NAV2: variants seen among roughly 807,000 people sequenced by gnomAD.
NAV2 encodes helicase, APC down-regulated 1.
Under a neutral mutation model 223.2 loss-of-function variants are expected in NAV2, and 54 were observed. That is an observed-to-expected ratio of 0.24 (90% CI 0.19 to 0.30). The LOEUF is 0.30. Ranked by LOEUF, NAV2 falls within the 10% of genes least tolerant of loss-of-function variation. The pLI is 1.00. For synonymous variants in NAV2, 1,279 were observed against 1,239.3 expected (o/e 1.03, Z -0.67); for missense variants, 2,806 against 3,147.5 (o/e 0.89, Z 2.60).
intron 1 of NAV2, chr11:19,575,229 G>T (rs1441072783): frequency 6.5e-6 from 1 of 154,030 alleles, no homozygotes; most frequent in Admixed American, 6.5e-5. Context: ...AATTAGAGGG[G>T]TTCTTAGCAG....
chr11:19,771,485 T>C (rs1326866741), intron 1 of NAV2, among the ~76,000 whole-genome samples: 2 of 151,614 alleles, frequency 1.3e-5, no homozygotes, highest in Admixed American at 6.6e-5. Context: ...GGCATGGAGG[T>C]GTGACCATAC....
At chr11:19,823,341 G>A (rs1215778672) in intron 1 of NAV2, among the ~76,000 whole-genome samples, 1 of 152,166 alleles carries the variant, frequency 6.6e-6, no homozygotes, top group Non-Finnish European at 1.5e-5. Context: ...CCAAGTAGCT[G>A]GGATTATGGG....
intron 6 of NAV2, among the ~76,000 whole-genome samples, chr11:19,910,957 A>G (rs933160360): frequency 4.6e-5 from 7 of 152,124 alleles, no homozygotes; most frequent in Non-Finnish European, 1.0e-4. Flanking sequence ...TTCTCCCCCA[A>G]AATGCCCTTA....
intron 3 of NAV2, among the ~76,000 whole-genome samples, chr11:19,859,596 C>G (rs867282284): frequency 7.2e-4 from 110 of 152,180 alleles, no homozygotes; most frequent in African/African-American, 2.5e-3. Context: ...CACCTTTCCC[C>G]CCTTTCTATT....
Position 19,656,931 on chromosome 11 carries a change from G to A in NAV2, c.76-175553G>A, listed in dbSNP as rs543123093. Reference sequence around the variant, plus strand: ...GATATCACCTAGGCTTTCCACCTGAGCACCTGGGAGAATGCAGGAGCCATT... The same window carrying A: ...GATATCACCTAGGCTTTCCACCTGAACACCTGGGAGAATGCAGGAGCCATT... On this transcript the variant is annotated intron_variant, in intron 1 of 37. Coordinates refer to the NAV2 transcript ENST00000360655. Among the ~76,000 whole-genome samples the A allele has an allele frequency of 7.9e-5, 12 of 152,308 alleles. No individual in the cohort carries two copies. The East Asian group carries it at 2.1e-3, about 27-fold the overall frequency.
chr11:19,477,565 G>A (rs1294576452), intron 1 of NAV2, among the ~76,000 whole-genome samples: 7 of 152,070 alleles, frequency 4.6e-5, no homozygotes, highest in Admixed American at 3.9e-4. Flanking sequence ...TTCTTTCTGG[G>A]TCTCAGTTTT....
chr11:19,689,709 G>T (rs1283078840), intron 1 of NAV2, among the ~76,000 whole-genome samples: 1 of 152,290 alleles, frequency 6.6e-6, no homozygotes, highest in African/African-American at 2.4e-5. Flanking sequence ...ACAAGCAGAT[G>T]AATTCAGCTA....
At chr11:19,847,107 C>T (rs2060852243) in intron 3 of NAV2, among the ~76,000 whole-genome samples, 1 of 152,254 alleles carries the variant, frequency 6.6e-6, no homozygotes, top group Non-Finnish European at 1.5e-5. Context: ...GTGGTGTGTT[C>T]AGCAGAGTTA....
intron 1 of NAV2, among the ~76,000 whole-genome samples, chr11:19,366,884 A>G (rs892981327): frequency 2.0e-5 from 3 of 152,218 alleles, no homozygotes; most frequent in Non-Finnish European, 4.4e-5. Context: ...AACTAGCTAG[A>G]GTATACTAGC....
At chr11:19,643,028 G>A (rs1012642973) in intron 1 of NAV2, among the ~76,000 whole-genome samples, 40 of 152,130 alleles carry the variant, frequency 2.6e-4, no homozygotes, top group Admixed American at 4.6e-4. Flanking sequence ...GTGTGCCAGC[G>A]TGTGTTCTGC....
intron 1 of NAV2, among the ~76,000 whole-genome samples, chr11:19,696,403 C>T (rs978124847): frequency 1.3e-5 from 2 of 152,212 alleles, no homozygotes; most frequent in African/African-American, 4.8e-5. Context: ...CACTGACCTG[C>T]CCAAAAATCT....
rs2075241487 is a variant in NAV2, at chr11:19,933,568, C to T, written c.1324C>T (p.Leu442=). 1 of 1,610,614 alleles carries T rather than the reference C, an allele frequency of 6.2e-7. No individual in the cohort carries two copies. The change falls in exon 7 of 38, where the codon CTG becomes TTG. Residue 442 remains leucine, a synonymous_variant. Coordinates refer to ENST00000349880, the MANE Select transcript of NAV2 (RefSeq NM_145117.5). The surrounding 1 kb of genome is among the most constrained non-coding windows in gnomAD (Gnocchi z 4.3). The part of the protein sequence containing the change: ...TLPSFEESEE[L]EAASRMLTTV... ...GCCCAGCTTCGAAGAGAGCGAGGAG[C>T]TGGAGGCCGCCAGTCGCATGCTCAC...
chr11:19,553,359 G>A (rs1040933762), intron 1 of NAV2, among the ~76,000 whole-genome samples: 2 of 152,216 alleles, frequency 1.3e-5, no homozygotes, highest in Non-Finnish European at 2.9e-5. Context: ...GGAAATGTGC[G>A]GATTCTGTTC....
intron 11 of NAV2, among the ~76,000 whole-genome samples, chr11:20,028,717 G>C (rs1435163834): frequency 6.6e-6 from 1 of 152,128 alleles, no homozygotes; most frequent in Non-Finnish European, 1.5e-5. Context: ...GGGGAAAATG[G>C]GGGTGGAATA....
In NAV2 at chr11:19,892,460, C is replaced by T; in HGVS notation, c.797C>T (p.Ser266Phe). 6.2e-7 allele frequency: 1 copy of T among 1,614,104 alleles called. No individual in the cohort carries two copies. Among genetic ancestry groups the T allele is most frequent in the Non-Finnish European group, 8.5e-7 (1 of 1,179,986 alleles). The change falls in exon 6 of 38, where the codon TCC becomes TTC. Residue 266 changes from serine (S) to phenylalanine (F), a missense_variant. Coordinates refer to ENST00000349880, the MANE Select transcript of NAV2 (RefSeq NM_145117.5). ...SRLPGPTARV[S>F]AAGSEAKTRG... ...CTTCCAGGTCCTACCGCGAGGGTAT[C>T]CGCTGCAGGCAGCGAGGCCAAAACA...
At chr11:19,455,080 C>G (rs1249722765) in intron 1 of NAV2, among the ~76,000 whole-genome samples, 1 of 152,138 alleles carries the variant, frequency 6.6e-6, no homozygotes, top group East Asian at 1.9e-4. Context: ...TACCTGAGAG[C>G]TGGAGAACCA....
chr11:20,106,144 T>TGA (rs2062013552), intron 35 of NAV2, among the ~76,000 whole-genome samples: 1 of 23,104 alleles, frequency 4.3e-5, no homozygotes, highest in Non-Finnish European at 4.1e-4. Context: ...CTTGTTCATA[T>TGA]GTGTGTGTGT....
rs754443258 is a variant in NAV2 at position 19,933,972 on chromosome 11, C to T, written c.1728C>T (p.Ser576=). The T allele has an allele frequency of 2.5e-6, 4 of 1,597,086 alleles. No homozygotes were observed. Among genetic ancestry groups the T allele is most frequent in the Non-Finnish European group, 2.6e-6 (3 of 1,173,244 alleles). ...KPGMKSMPGK[S]PSAPAPSKEG... ...GAATGAAAAGCATGCCCGGGAAATC[C>T]CCAAGTGCCCCAGCGCCTTCCAAGG... The change falls in exon 7 of 38, where the codon TCC becomes TCT. Residue 576 remains serine, a synonymous_variant. Coordinates refer to ENST00000349880, the MANE Select transcript of NAV2 (RefSeq NM_145117.5). The surrounding 1 kb of genome is among the most constrained non-coding windows in gnomAD (Gnocchi z 4.3).
At chr11:20,095,360 A>G (rs1458342756) in intron 29 of NAV2, among the ~76,000 whole-genome samples, 1 of 152,188 alleles carries the variant, frequency 6.6e-6, no homozygotes, top group Non-Finnish European at 1.5e-5. Flanking sequence ...GATGCTAGAC[A>G]GATGTGGAGA....
Sources: gnomAD v4.1 joint callset for allele counts (sites outside exome capture counted in the v4.1 genomes callset) on GRCh38, gnomAD v4.1.1 for gene constraint, Gnocchi (gnomAD v3.1) non-coding constraint, MANE v1.5 for transcripts, NCBI Gene and HGNC (gene_info 2026-07-23, HGNC 2026-07-21) for gene names.